The following KCND3 variants were observed in gnomAD, a reference collection of about 807,000 sequenced individuals.
KCND3 encodes the protein potassium voltage-gated channel subfamily D member 3.
Under a neutral mutation model 51.1 loss-of-function variants are expected in KCND3, and 9 were observed. That is an observed-to-expected ratio of 0.18 (90% CI 0.11 to 0.31). The LOEUF is 0.31. KCND3 is among the 10% of genes least tolerant of loss of function. KCND3 has a pLI of 1.00. For missense variants in KCND3, 526 were observed against 903.8 expected (o/e 0.58, Z 5.36); for synonymous variants, 349 against 368.0 (o/e 0.95, Z 0.59).
chr1:111,870,021 G>A (rs900764342), intron 2 of KCND3, among the ~76,000 whole-genome samples: 1 of 152,228 alleles, frequency 6.6e-6, no homozygotes, highest in African/African-American at 2.4e-5. Flanking sequence ...GGAATGGGAA[G>A]CAGAGATTAA....
intron 2 of KCND3, among the ~76,000 whole-genome samples, chr1:111,812,165 G>A (rs1014869176): frequency 2.0e-5 from 3 of 152,170 alleles, no homozygotes; most frequent in African/African-American, 4.8e-5. Flanking sequence ...TGAAAGGAAG[G>A]GCCTGGACAG....
At chr1:111,921,822 A>G (rs1027675221) in intron 2 of KCND3, among the ~76,000 whole-genome samples, 2 of 152,142 alleles carry the variant, frequency 1.3e-5, no homozygotes, top group African/African-American at 2.4e-5. Context: ...ATGAAAAAAA[A>G]GCTGAAAGGG....
chr1:111,795,743 G>T (rs1029193253), intron 2 of KCND3, among the ~76,000 whole-genome samples: 4 of 152,160 alleles, frequency 2.6e-5, no homozygotes, highest in African/African-American at 9.7e-5. Flanking sequence ...CTGTTTTTAG[G>T]TCTTTGAGGA....
In KCND3 at chr1:111,770,936, C is replaced by T. The variant is rs1345493952; in HGVS notation, c.*5141G>A. 6.6e-6 allele frequency: 1 copy of T among 152,030 alleles called. No homozygotes were observed. The highest frequency in any genetic ancestry group is 2.4e-5 in the African/African-American group (1 of 41,388). 9.4% of individuals were successfully genotyped at this position (152,030 alleles called of 1,614,324 possible). On this transcript the variant is annotated 3_prime_UTR_variant, in exon 8 of 8. Transcript: ENST00000302127. ...TTATACGAAAATAGAAAAGAACACA[C>T]TTGATGTATCTCACGATGACATTAA...
At chr1:111,808,640 C>T (rs17028623) in intron 2 of KCND3, among the ~76,000 whole-genome samples, 12,456 of 152,256 alleles carry the variant, frequency 0.082, 893 homozygotes, top group African/African-American at 0.18. Context: ...GGAGCATGCA[C>T]AAGCCCTCTC....
chr1:111,775,827 A>ACCCCCCCCCCCCCCCCCCCCCCCCC lies in KCND3; in HGVS notation c.*249_*250insGGGGGGGGGGGGGGGGGGGGGGGGG. The ACCCCCCCCCCCCCCCCCCCCCCCCC allele has an allele frequency of 1.3e-5, 1 of 75,850 alleles. No individual in the cohort carries two copies. The highest frequency in any genetic ancestry group is 1.8e-4 in the Admixed American group (1 of 5,506). The allele number at this position is 75,850 out of a possible 1,614,324, so 4.7% of individuals were successfully genotyped here. ...CCCCCGGCCTATCCCCGACCCCCCC[A>ACCCCCCCCCCCCCCCCCCCCCCCCC]CCCTCCCTCCCTTCCTCTGGCCCCA... On this transcript the variant is annotated 3_prime_UTR_variant, in exon 8 of 8. Coordinates refer to ENST00000302127, the MANE Select transcript of KCND3 (RefSeq NM_001378969.1).
intron 2 of KCND3, among the ~76,000 whole-genome samples, chr1:111,957,041 C>G (rs1268548677): frequency 6.6e-6 from 1 of 152,196 alleles, no homozygotes; most frequent in Non-Finnish European, 1.5e-5. Context: ...CTGGGGCCTG[C>G]AAGACCCAGG....
intron 2 of KCND3, among the ~76,000 whole-genome samples, chr1:111,909,113 T>C (rs1265935443): frequency 6.6e-6 from 1 of 152,032 alleles, no homozygotes; most frequent in Non-Finnish European, 1.5e-5. Context: ...GGGTCTATGT[T>C]TCTCTCATCT....
chr1:111,940,073 G>GTTTTTTTTTTTTTTTTTTTT (rs61088602), intron 2 of KCND3, among the ~76,000 whole-genome samples: 50 of 85,470 alleles, frequency 5.9e-4, no homozygotes, highest in Non-Finnish European at 6.5e-4. Context: ...CTTTTTGATG[G>GTTTTTTTTTTTTTTTTTTTT]TTTTTTTTTT....
intron 2 of KCND3, among the ~76,000 whole-genome samples, chr1:111,857,338 T>C (rs1248392971): frequency 6.6e-6 from 1 of 152,126 alleles, no homozygotes; most frequent in Non-Finnish European, 1.5e-5. Context: ...ACCATTCTGC[T>C]TCTGTGCAGA....
intron 2 of KCND3, among the ~76,000 whole-genome samples, chr1:111,905,419 C>T (rs1422529695): frequency 3.3e-5 from 5 of 152,222 alleles, no homozygotes; most frequent in Non-Finnish European, 5.9e-5. Flanking sequence ...TAGAGAGGCT[C>T]GGTGCTTTCA....
chr1:111,787,310 A>G (rs1280876651), intron 2 of KCND3, among the ~76,000 whole-genome samples: 2 of 152,310 alleles, frequency 1.3e-5, no homozygotes, highest in African/African-American at 4.8e-5. Flanking sequence ...CAACATCCTA[A>G]CAAGACTGTA....
chr1:111,906,653 C>T (rs973208396), intron 2 of KCND3, among the ~76,000 whole-genome samples: 1 of 152,178 alleles, frequency 6.6e-6, no homozygotes. Flanking sequence ...CCTTGCTTTT[C>T]CTCTCTACCC....
Position 111,778,486 on chromosome 1 carries a change from A to G in KCND3, c.1468T>C (p.Ser490Pro), listed in dbSNP as rs1435950968. The stretch of plus-strand genomic sequence containing the variant: ...AACAGGGGATCATCCACAAGATAGG[A>G]CAACCCCTACAGGACAACATGCCAA... ...LHCLEKTTGL[S>P]YLVDDPLLSV... The change falls in exon 6 of 8, where the codon TCC becomes CCC. Residue 490 changes from serine to proline, a missense_variant. Ser to Pro is a moderately conservative substitution (Grantham distance 74). Coordinates refer to ENST00000302127, the MANE Select transcript of KCND3 (RefSeq NM_001378969.1). 6.2e-7 allele frequency: 1 copy of G among 1,613,794 alleles called. No homozygotes were observed. Among genetic ancestry groups the G allele is most frequent in the Non-Finnish European group, 8.5e-7 (1 of 1,179,768 alleles).
In KCND3 at chr1:111,926,753, T is replaced by C. The variant is rs78272593; in HGVS notation, c.1106+54868A>G. Among the ~76,000 whole-genome samples, 197 of 152,384 alleles carry C rather than the reference T, an allele frequency of 1.3e-3. 3 individuals carry two copies. The East Asian group carries it at 0.036, about 28-fold the overall frequency. ...GTACTGGGGACAGAGGCAGCATCTC[T>C]GAATTCTTGTTCATCGCTCGGGGCT... On this transcript the variant is annotated intron_variant, in intron 2 of 7. Transcript: ENST00000302127.
rs1466076692 is a variant in KCND3, at chr1:111,918,985, GAAGA to G, written c.1106+62632_1106+62635del. ...GAGGGGAGCTGTCCAAGTGATGGCAGAAGAAAGATGACAAAATCACATGAGAGGA... is the reference window on the plus strand; with the variant it reads ...GAGGGGAGCTGTCCAAGTGATGGCAGAAGATGACAAAATCACATGAGAGGA... On this transcript the variant is annotated intron_variant, in intron 2 of 7. Transcript: ENST00000302127. Among the ~76,000 whole-genome samples, 5 of 152,036 alleles carry G rather than the reference GAAGA, an allele frequency of 3.3e-5. No individual in the cohort carries two copies. The East Asian group carries it at 9.7e-4, about 29-fold the overall frequency.
chr1:111,831,870 C>T (rs1666848328), intron 2 of KCND3, among the ~76,000 whole-genome samples: 1 of 152,184 alleles, frequency 6.6e-6, no homozygotes, highest in African/African-American at 2.4e-5. Flanking sequence ...GGAATGGGAA[C>T]TGCTGAGTCT....
chr1:111,880,977 C>T (rs1669278778), intron 2 of KCND3, among the ~76,000 whole-genome samples: 1 of 152,144 alleles, frequency 6.6e-6, no homozygotes, highest in Non-Finnish European at 1.5e-5. Flanking sequence ...TCCTCTGTCA[C>T]ACTTCCCAAC....
chr1:111,792,868 T>C (rs1430210001), intron 2 of KCND3, among the ~76,000 whole-genome samples: 1 of 149,632 alleles, frequency 6.7e-6, no homozygotes, highest in African/African-American at 2.4e-5. Flanking sequence ...TTCTCACTTC[T>C]ACTTTTGTTC....
Sources: gnomAD v4.1 joint callset for allele counts (sites outside exome capture counted in the v4.1 genomes callset) on GRCh38, gnomAD v4.1.1 for gene constraint, MANE v1.5 for transcripts, NCBI Gene and HGNC (gene_info 2026-07-23, HGNC 2026-07-21) for gene names.